ARHGEF17: variants seen among roughly 807,000 people sequenced by gnomAD.
ARHGEF17 encodes 164 kDa Rho-specific guanine-nucleotide exchange factor.
In ARHGEF17, 80 loss-of-function variants were observed where a neutral mutation model predicts 174.0. That is an observed-to-expected ratio of 0.46 (90% confidence interval 0.38 to 0.55). ARHGEF17 has a LOEUF of 0.55. Ranked by LOEUF, ARHGEF17 falls within the 20% of genes least tolerant of loss-of-function variation. The pLI is 0.00. For synonymous variants in ARHGEF17, 1,311 were observed against 1,189.1 expected (o/e 1.10, Z -2.11); for missense variants, 2,886 against 2,839.7 (o/e 1.02, Z -0.37).
At chr11:73,329,388 TTG>T (rs1865166023) in intron 1 of ARHGEF17, among the ~76,000 whole-genome samples, 6 of 114,794 alleles carry the variant, frequency 5.2e-5, no homozygotes, top group Admixed American at 1.6e-4. Context: ...TTTTTTTTTT[TTG>T]TATTTTGGGT....
intron 1 of ARHGEF17, among the ~76,000 whole-genome samples, chr11:73,314,949 A>T (rs1008764652): frequency 3.3e-5 from 5 of 152,262 alleles, no homozygotes; most frequent in African/African-American, 1.2e-4. Context: ...TCAGCATCAT[A>T]GGCAGATGAA....
At chr11:73,358,453 CTTTT>C (rs1172357794) in intron 9 of ARHGEF17, among the ~76,000 whole-genome samples, 2 of 93,296 alleles carry the variant, frequency 2.1e-5, no homozygotes, top group Non-Finnish European at 4.1e-5. Flanking sequence ...AGGTCCGCCT[CTTTT>C]TTTTTTTTTT....
At chr11:73,351,828 T>G (rs1470875097) in intron 2 of ARHGEF17, among the ~76,000 whole-genome samples, 1 of 152,062 alleles carries the variant, frequency 6.6e-6, no homozygotes, top group Non-Finnish European at 1.5e-5. Context: ...GTGATCTGCC[T>G]GGCCTCGACC....
chr11:73,352,846 T>C lies in ARHGEF17; in HGVS notation c.3287T>C (p.Leu1096Pro). The C allele has an allele frequency of 1.2e-6, 2 of 1,614,032 alleles. No homozygotes were observed. Among genetic ancestry groups the C allele is most frequent in the Non-Finnish European group, 1.7e-6 (2 of 1,180,040 alleles). Reference protein sequence around the residue: ...RTLMQGYMQPLKQPENSVLCD... With the variant: ...RTLMQGYMQPPKQPENSVLCD... ...GTCCTTCAGGGCTACATGCAGCCGCTGAAGCAGCCAGAGAACTCCGTGCTC... is the reference window on the plus strand; with the variant it reads ...GTCCTTCAGGGCTACATGCAGCCGCCGAAGCAGCCAGAGAACTCCGTGCTC... Residue 1096 changes from leucine to proline, a missense_variant, in exon 3 of 21, where the codon CTG becomes CCG. By Grantham distance (98) the Leu-to-Pro change is moderately conservative. Transcript: ENST00000263674.
chr11:73,311,493 C>A lies in ARHGEF17; in HGVS notation c.2855C>A (p.Pro952His). 6.2e-7 allele frequency: 1 copy of A among 1,613,182 alleles called. No individual in the cohort carries two copies. The highest frequency in any genetic ancestry group is 2.2e-5 in the East Asian group (1 of 44,882). ...DQTGSLSRAR[P>H]SSRHVRHASV... ...ACTGGCAGCCTGTCTCGGGCCCGGCCCTCCTCCAGACACGTTCGCCATGCC... is the reference window on the plus strand; with the variant it reads ...ACTGGCAGCCTGTCTCGGGCCCGGCACTCCTCCAGACACGTTCGCCATGCC... The change falls in exon 1 of 21, where the codon CCC becomes CAC. Residue 952 changes from proline (P) to histidine (H), a missense_variant. Pro to His is a moderately conservative substitution (Grantham distance 77). Around this residue, in one of 4 missense-constraint regions of ARHGEF17, gnomAD observed 1,728 missense variants for 1,461.2 expected, o/e 1.18. Transcript: ENST00000263674.
At chr11:73,313,514 T>C (rs917328731) in intron 1 of ARHGEF17, among the ~76,000 whole-genome samples, 2 of 152,146 alleles carry the variant, frequency 1.3e-5, no homozygotes, top group Non-Finnish European at 2.9e-5. Flanking sequence ...GGTGGGAGTT[T>C]ACAGAACTTC....
intron 1 of ARHGEF17, among the ~76,000 whole-genome samples, chr11:73,321,700 G>T (rs936642899): frequency 2.6e-5 from 4 of 152,228 alleles, no homozygotes; most frequent in Non-Finnish European, 5.9e-5. Flanking sequence ...GAATCCTGTG[G>T]TTTCAAGATG....
At chr11:73,362,842 C>T in intron 14 of ARHGEF17, 108 bp downstream of exon 14, 1 of 1,358,928 alleles carries the variant, frequency 7.4e-7, no homozygotes, top group Non-Finnish European at 9.9e-7. Context: ...CGTCAGACCT[C>T]AGGATGTTAG....
At position 73,309,957 on chromosome 11, in the gene ARHGEF17, G is replaced by A. The variant is rs764550052; in HGVS notation, c.1319G>A (p.Gly440Glu). 1 of 1,613,920 alleles carries A rather than the reference G, an allele frequency of 6.2e-7. No homozygotes were observed. The highest frequency in any genetic ancestry group is 1.1e-5 in the South Asian group (1 of 91,088). Residue 440 changes from glycine (G) to glutamate (E), a missense_variant, in exon 1 of 21, where the codon GGA (glycine) becomes GAA (glutamate). Physicochemically the swap from Gly to Glu is moderately conservative, Grantham distance 98. This residue lies in a region of ARHGEF17 where 1,728 missense variants were observed against 1,461.2 expected (regional missense o/e 1.18). Transcript: ENST00000263674. ...GCTCGAACCCGTGCCAAAGGACCTG[G>A]AGGCACCTCTAGGGCATTGAGGGAT... ...SQARTRAKGP[G>E]GTSRALRDGG...
chr11:73,363,613 G>T, intron 15 of ARHGEF17, 134 bp from the exon 16 acceptor site: 1 of 1,491,614 alleles, frequency 6.7e-7, no homozygotes, highest in South Asian at 1.2e-5. Context: ...ATCCCAGGGA[G>T]GCTGTGGGAC....
chr11:73,362,451 G>T lies in ARHGEF17; in HGVS notation c.4713G>T (p.Leu1571=). The change falls in exon 14 of 21, where the codon CTG becomes CTT. Residue 1571 remains leucine (L), a synonymous_variant. Coordinates refer to ENST00000263674, the MANE Select transcript of ARHGEF17 (RefSeq NM_014786.4). ...CTCGCAGGGAGCCTCCTCCGTCGCT[G>T]AGGAGTCCTCCAGAGACGGCACCGG... ...PRCHREPPPS[L]RSPPETAPEP... 1 of 1,575,076 alleles carries T rather than the reference G, an allele frequency of 6.3e-7. No individual in the cohort carries two copies. Among genetic ancestry groups the T allele is most frequent in the Non-Finnish European group, 8.6e-7 (1 of 1,164,416 alleles).
chr11:73,366,043 AGT>A, intron 20 of ARHGEF17, 96 bp downstream of exon 20: 1 of 1,463,694 alleles, frequency 6.8e-7, no homozygotes, highest in Non-Finnish European at 9.2e-7. Context: ...AGGGAGGAAA[AGT>A]GTCACATAGA....
At chr11:73,367,177 G>C (rs544628901) in intron 20 of ARHGEF17, among the ~76,000 whole-genome samples, 2 of 152,218 alleles carry the variant, frequency 1.3e-5, no homozygotes, top group Non-Finnish European at 2.9e-5. Context: ...AAAGCCTCGG[G>C]TCAGGAGTTG....
chr11:73,339,817 T>C (rs1865342410), intron 1 of ARHGEF17, among the ~76,000 whole-genome samples: 2 of 152,144 alleles, frequency 1.3e-5, no homozygotes, highest in African/African-American at 4.8e-5. Context: ...TCTTTCCTTC[T>C]CTGACTAAAG....
Position 73,311,649 on chromosome 11 carries a change from A to C in ARHGEF17, c.3011A>C (p.Glu1004Ala). 1 of 1,613,320 alleles carries C rather than the reference A, an allele frequency of 6.2e-7. No homozygotes were observed. The highest frequency in any genetic ancestry group is 8.5e-7 in the Non-Finnish European group (1 of 1,179,964). Residue 1004 changes from glutamate to alanine, a missense_variant, in exon 1 of 21, where the codon GAG (glutamate) becomes GCG (alanine). By Grantham distance (107) the Glu-to-Ala change is moderately radical (BLOSUM62 -1). Around this residue, in one of 4 missense-constraint regions of ARHGEF17, gnomAD observed 1,728 missense variants for 1,461.2 expected, o/e 1.18. Transcript: ENST00000263674. ...CCCACGTTGCAGGCACCATCGCTCG[A>C]GGACGTCACCAAGCAGTACATGCTG... ...AHPTLQAPSLEDVTKQYMLNL... is the reference protein window; with the variant it reads ...AHPTLQAPSLADVTKQYMLNL...
chr11:73,320,367 G>C (rs1309311275), intron 1 of ARHGEF17, among the ~76,000 whole-genome samples: 2 of 151,906 alleles, frequency 1.3e-5, no homozygotes, highest in Non-Finnish European at 1.5e-5. Context: ...CGGGCGCTGT[G>C]TCTCATGCCT....
Position 73,309,480 on chromosome 11 carries a change from G to A in ARHGEF17, c.842G>A (p.Arg281Gln), listed in dbSNP as rs1414986958. The change falls in exon 1 of 21, where the codon CGA (arginine) becomes CAA (glutamine). Residue 281 changes from arginine (R) to glutamine (Q), a missense_variant. Arg to Gln is a conservative substitution (Grantham distance 43). Transcript: ENST00000263674. The stretch of plus-strand genomic sequence containing the variant: ...CACTCCTCGGGCAGTGACGACGACC[G>A]AGACGGTGAGGGCGGCCACCGCTGG... ...GGHSSGSDDDRDGEGGHRWGG... is the reference protein window; with the variant it reads ...GGHSSGSDDDQDGEGGHRWGG... The A allele has an allele frequency of 1.1e-5, 17 of 1,544,208 alleles. No homozygotes were observed. Among genetic ancestry groups the A allele is most frequent in the South Asian group, 3.6e-5 (3 of 82,578 alleles).
Position 73,364,249 on chromosome 11 carries a change from T to G in ARHGEF17, c.5401+10T>G. On this transcript the variant is annotated intron_variant, in intron 17 of 20. Transcript: ENST00000263674. ...TACCAAAGGGAAGCAGGTGAGTATC[T>G]GCCCTCCCCCACACCCTGCCCCTGT... 1 of 1,614,068 alleles carries G rather than the reference T, an allele frequency of 6.2e-7. No homozygotes were observed. The highest frequency in any genetic ancestry group is 8.5e-7 in the Non-Finnish European group (1 of 1,179,942).
In ARHGEF17 at chr11:73,352,983, C is replaced by A; in HGVS notation, c.3424C>A (p.Gln1142Lys). Residue 1142 changes from glutamine (Q) to lysine (K), a missense_variant, in exon 3 of 21, where the codon CAG becomes AAG. Gln to Lys is a moderately conservative substitution (Grantham distance 53, BLOSUM62 1). Transcript: ENST00000263674. ...CTGCATGCAGACCTGGCATGCCCAG[C>A]AGAAGGTGGGAGCCCTGCTCGTCCA... Reference protein sequence around the residue: ...RHCMQTWHAQQKVGALLVQSF... With the variant: ...RHCMQTWHAQKKVGALLVQSF... The A allele has an allele frequency of 6.2e-7, 1 of 1,613,996 alleles. No homozygotes were observed. Among genetic ancestry groups the A allele is most frequent in the Non-Finnish European group, 8.5e-7 (1 of 1,180,042 alleles).
Sources: gnomAD v4.1 joint callset for allele counts (sites outside exome capture counted in the v4.1 genomes callset) on GRCh38, gnomAD v4.1.1 for gene constraint, gnomAD v4.1.1 regional missense constraint, MANE v1.5 for transcripts, NCBI Gene and HGNC (gene_info 2026-07-23, HGNC 2026-07-21) for gene names.